SAMD10: variants seen among roughly 807,000 people sequenced by gnomAD.
SAMD10 encodes sterile alpha motif domain-containing protein 10.
Under a neutral mutation model 22.5 loss-of-function variants are expected in SAMD10, and 16 were observed. The observed-to-expected ratio is 0.71, with a 90% CI of 0.48 to 1.08. The LOEUF (loss-of-function observed/expected upper bound fraction) is 1.08, where lower values mean the gene tolerates loss of function less well. Among genes scored for constraint, SAMD10 ranks in the 50% least tolerant of loss-of-function variants. SAMD10 has a pLI of 0.00. For synonymous variants in SAMD10, 118 were observed against 122.2 expected (o/e 0.97, Z 0.23); for missense variants, 227 against 281.3 (o/e 0.81, Z 1.38).
chr20:63,977,132 T>G lies in SAMD10; in HGVS notation c.284A>C (p.Tyr95Ser). 6.2e-7 allele frequency: 1 copy of G among 1,612,912 alleles called. No individual in the cohort carries two copies. Among genetic ancestry groups the G allele is most frequent in the Non-Finnish European group, 8.5e-7 (1 of 1,179,506 alleles). ...ATGGTACAGGCCATAGTGGTCAGAG[T>G]ACAGCCGGCCCTGCAGGGGAGGGGC... ...PGTDTPQGRL[Y>S]SDHYGLYHTS... Residue 95 changes from tyrosine (Y) to serine (S), a missense_variant, in exon 3 of 5, where the codon TAC becomes TCC. Transcript: ENST00000369886. The surrounding 1 kb of genome is among the most constrained non-coding windows in gnomAD (Gnocchi z 5.4).
Position 63,977,853 on chromosome 20 carries a change from C to T in SAMD10, c.92-447G>A, listed in dbSNP as rs1439232785. Among the ~76,000 whole-genome samples, 1 of 152,222 alleles carries T rather than the reference C, an allele frequency of 6.6e-6. No individual in the cohort carries two copies. Among genetic ancestry groups the T allele is most frequent in the African/African-American group, 2.4e-5 (1 of 41,458 alleles). Reference sequence around the variant, plus strand: ...AGGCAGATCCCGAGTCCGGGGAGGTCGTCTGTGCTGGGGAAACCGGGCTGA... The same window carrying T: ...AGGCAGATCCCGAGTCCGGGGAGGTTGTCTGTGCTGGGGAAACCGGGCTGA... On this transcript the variant is annotated intron_variant, in intron 1 of 4. Coordinates refer to ENST00000369886, the MANE Select transcript of SAMD10 (RefSeq NM_080621.5). The surrounding 1 kb of genome is among the most constrained non-coding windows in gnomAD (Gnocchi z 5.4).
Position 63,979,254 on chromosome 20 carries a change from A to C in SAMD10, c.91+123T>G, listed in dbSNP as rs2059046397. The C allele has an allele frequency of 1.6e-6, 1 of 635,410 alleles. No individual in the cohort carries two copies. The highest frequency in any genetic ancestry group is 2.4e-6 in the Non-Finnish European group (1 of 415,316). 39.4% of individuals were successfully genotyped at this position (635,410 alleles called of 1,614,324 possible). On this transcript the variant is annotated intron_variant, in intron 1 of 4. Coordinates refer to ENST00000369886, the MANE Select transcript of SAMD10 (RefSeq NM_080621.5). The surrounding 1 kb of genome is among the most constrained non-coding windows in gnomAD (Gnocchi z 7.7). ...CTACGGGACCCCGTTGAGCCGAGAC[A>C]TCCGCCGAATACCCCCAGCCACCGC...
chr20:63,977,020 G>A lies in SAMD10; in HGVS notation c.396C>T (p.Pro132=), dbSNP rs1466971123. The change falls in exon 3 of 5, where the codon CCC becomes CCT. Residue 132 remains proline (P), a synonymous_variant. Transcript: ENST00000369886. This position sits in a 1 kb window ranked among gnomAD's most constrained non-coding sequence, Gnocchi z 5.4. ...DVCKWLKKHC[P]HNYLVYVEAF... ...CCTCCACGTAGACGAGGTAGTTGTG[G>A]GGACAGTGCTTCTTGAGCCACTTGC... 3 of 1,614,030 alleles carry A rather than the reference G, an allele frequency of 1.9e-6. No individual in the cohort carries two copies. Among genetic ancestry groups the A allele is most frequent in the Admixed American group, 3.3e-5 (2 of 60,000 alleles).
At chr20:63,976,874 C>T (rs2059026883) in intron 3 of SAMD10, 97 bp downstream of exon 3, 13 of 1,259,240 alleles carry the variant, frequency 1.0e-5, no homozygotes, top group African/African-American at 5.9e-5. Flanking sequence ...ACTAGACAGA[C>T]GAAAACAACA....
upstream of SAMD10, chr20:63,980,125 G>A (rs8126213): frequency 0.1 from 15,408 of 152,752 alleles, 929 homozygotes; most frequent in Middle Eastern, 0.17. Flanking sequence ...GAACTCCAAG[G>A]AGGCTGTAGC....
In SAMD10 at chr20:63,975,390, C is replaced by G; in HGVS notation, c.*120G>C. On this transcript the variant is annotated 3_prime_UTR_variant, in exon 5 of 5. Coordinates refer to ENST00000369886, the MANE Select transcript of SAMD10 (RefSeq NM_080621.5). Reference sequence around the variant, plus strand: ...TCCTGGTCCTGTCTGTCCGTTGGGCCAGCCTGGCCGCCCCGGCATCCCGCA... The same window carrying G: ...TCCTGGTCCTGTCTGTCCGTTGGGCGAGCCTGGCCGCCCCGGCATCCCGCA... 7.7e-7 allele frequency: 1 copy of G among 1,297,952 alleles called. No individual in the cohort carries two copies. Among genetic ancestry groups the G allele is most frequent in the Non-Finnish European group, 1.1e-6 (1 of 916,766 alleles). The allele number at this position is 1,297,952 out of a possible 1,614,324, so 80.4% of individuals were successfully genotyped here.
At chr20:63,978,127 G>C (rs909345905) in intron 1 of SAMD10, 3 of 408,792 alleles carry the variant, frequency 7.3e-6, no homozygotes, top group African/African-American at 4.1e-5. Flanking sequence ...GCACAGGTAT[G>C]TGGGGTGCAG....
In SAMD10 at chr20:63,975,336, T is replaced by A; in HGVS notation, c.*174A>T. ...CCCAGCCCCAGGGCACGACCTGGAATGTCCAACCAGAGGCGCCTGGAGGTG... is the reference window on the plus strand; with the variant it reads ...CCCAGCCCCAGGGCACGACCTGGAAAGTCCAACCAGAGGCGCCTGGAGGTG... On this transcript the variant is annotated 3_prime_UTR_variant, in exon 5 of 5. Coordinates refer to ENST00000369886, the MANE Select transcript of SAMD10 (RefSeq NM_080621.5). 2.7e-5 allele frequency: 18 copies of A among 661,904 alleles called. No individual in the cohort carries two copies. The highest frequency in any genetic ancestry group is 1.0e-4 in the East Asian group (3 of 29,472). The allele number at this position is 661,904 out of a possible 1,614,324, so 41.0% of individuals were successfully genotyped here. A position where few individuals can be genotyped will look rare whatever the true frequency, so the allele number is the denominator to read the frequency against.
Position 63,979,296 on chromosome 20 carries a change from G to A in SAMD10, c.91+81C>T, listed in dbSNP as rs2059047080. ...AGCCACCGCCGCTCGAAGCCCGCCG[G>A]GTCCCGCCCCGCCCCCGTGCCTCTG... On this transcript the variant is annotated intron_variant, in intron 1 of 4. Transcript: ENST00000369886. The surrounding 1 kb of genome is among the most constrained non-coding windows in gnomAD (Gnocchi z 7.7). The A allele has an allele frequency of 3.8e-6, 4 of 1,066,312 alleles. No homozygotes were observed. The highest frequency in any genetic ancestry group is 1.7e-5 in the African/African-American group (1 of 58,574). The allele number at this position is 1,066,312 out of a possible 1,614,324, so 66.1% of individuals were successfully genotyped here.
chr20:63,975,437 G>T lies in SAMD10; in HGVS notation c.*73C>A. 6.3e-7 allele frequency: 1 copy of T among 1,591,848 alleles called. No individual in the cohort carries two copies. Among genetic ancestry groups the T allele is most frequent in the African/African-American group, 1.3e-5 (1 of 74,226 alleles). On this transcript the variant is annotated 3_prime_UTR_variant, in exon 5 of 5. Coordinates refer to ENST00000369886, the MANE Select transcript of SAMD10 (RefSeq NM_080621.5). ...CGCAGGGTCCAAGAGGCGCTGCGGG[G>T]CCAGCTTGGCCTCCTCCCTAGCCGT...
At position 63,979,499 on chromosome 20, in the gene SAMD10, C is replaced by T. The variant is rs775708261; in HGVS notation, c.-32G>A. On this transcript the variant is annotated 5_prime_UTR_variant, in exon 1 of 5. Coordinates refer to ENST00000369886, the MANE Select transcript of SAMD10 (RefSeq NM_080621.5). This position sits in a 1 kb window ranked among gnomAD's most constrained non-coding sequence, Gnocchi z 7.7. The stretch of plus-strand genomic sequence containing the variant: ...CGCGGGTGCCAGGCCCGCGCACACG[C>T]CCCTCGCCGAGTGCAGGGCGGCCGG... 3.1e-5 allele frequency: 39 copies of T among 1,248,408 alleles called. No homozygotes were observed. In the African/African-American group the frequency reaches 6.1e-4, roughly 19 times the overall value. 77.3% of individuals were successfully genotyped at this position (1,248,408 alleles called of 1,614,324 possible).
At chr20:63,978,310 T>C (rs1462182719) in intron 1 of SAMD10, 2 of 1,301,696 alleles carry the variant, frequency 1.5e-6, no homozygotes, top group Non-Finnish European at 2.0e-6. Flanking sequence ...ACATTCATTG[T>C]CAATGAATGA....
intron 3 of SAMD10, among the ~76,000 whole-genome samples, 187 bp downstream of exon 3, chr20:63,976,784 A>G (rs1395692993): frequency 1.3e-5 from 2 of 151,416 alleles, no homozygotes; most frequent in African/African-American, 4.8e-5. Flanking sequence ...AAAAAAAAAA[A>G]AAAAAAAGAA....
chr20:63,977,064 A>G lies in SAMD10; in HGVS notation c.352T>C (p.Trp118Arg). ...LGGLTRPVVL[W>R]SQQDVCKWLK... ...CACTTGCAGACGTCCTGCTGACTCCACAGGACCACGGGCCGGGTCAGGCCA... is the reference window on the plus strand; with the variant it reads ...CACTTGCAGACGTCCTGCTGACTCCGCAGGACCACGGGCCGGGTCAGGCCA... Residue 118 changes from tryptophan (W) to arginine (R), a missense_variant, in exon 3 of 5, where the codon TGG becomes CGG. Trp to Arg is a moderately radical substitution (Grantham distance 101). Transcript: ENST00000369886. The surrounding 1 kb of genome is among the most constrained non-coding windows in gnomAD (Gnocchi z 5.4). The G allele has an allele frequency of 6.2e-7, 1 of 1,614,116 alleles. No homozygotes were observed. Among genetic ancestry groups the G allele is most frequent in the Non-Finnish European group, 8.5e-7 (1 of 1,180,002 alleles).
upstream of SAMD10, chr20:63,979,797 G>T: frequency 1.6e-6 from 1 of 636,806 alleles, no homozygotes; most frequent in Non-Finnish European, 2.0e-6. This position sits in a 1 kb window ranked among gnomAD's most constrained non-coding sequence, Gnocchi z 7.7. Context: ...TCTGAGGTCG[G>T]GCCCCTCTGT....
chr20:63,975,597 C>T, intron 4 of SAMD10, 65 bp from the exon 5 acceptor site: 1 of 1,584,314 alleles, frequency 6.3e-7, no homozygotes, highest in South Asian at 1.1e-5. Context: ...AGGGCGCTTA[C>T]TGGGGCCTGC....
Position 63,979,244 on chromosome 20 carries a change from G to T in SAMD10, c.91+133C>A. On this transcript the variant is annotated intron_variant, in intron 1 of 4. Coordinates refer to ENST00000369886, the MANE Select transcript of SAMD10 (RefSeq NM_080621.5). The surrounding 1 kb of genome is among the most constrained non-coding windows in gnomAD (Gnocchi z 7.7). ...AGGACAAAGGCTACGGGACCCCGTT[G>T]AGCCGAGACATCCGCCGAATACCCC... 1 of 609,066 alleles carries T rather than the reference G, an allele frequency of 1.6e-6. No individual in the cohort carries two copies. Among genetic ancestry groups the T allele is most frequent in the Non-Finnish European group, 2.6e-6 (1 of 388,858 alleles). The allele number at this position is 609,066 out of a possible 1,614,324, so 37.7% of individuals were successfully genotyped here.
chr20:63,975,447 C>T lies in SAMD10; in HGVS notation c.*63G>A. The stretch of plus-strand genomic sequence containing the variant: ...AAGAGGCGCTGCGGGGCCAGCTTGG[C>T]CTCCTCCCTAGCCGTGGACTCCCAT... On this transcript the variant is annotated 3_prime_UTR_variant, in exon 5 of 5. Transcript: ENST00000369886. 1.9e-6 allele frequency: 3 copies of T among 1,605,072 alleles called. No homozygotes were observed. Among genetic ancestry groups the T allele is most frequent in the Non-Finnish European group, 1.7e-6 (2 of 1,173,852 alleles).
chr20:63,977,435 G>T lies in SAMD10; in HGVS notation c.92-29C>A. The T allele has an allele frequency of 6.2e-7, 1 of 1,607,348 alleles. No homozygotes were observed. On this transcript the variant is annotated intron_variant, in intron 1 of 4. Coordinates refer to ENST00000369886, the MANE Select transcript of SAMD10 (RefSeq NM_080621.5). The surrounding 1 kb of genome is among the most constrained non-coding windows in gnomAD (Gnocchi z 5.4). ...TGTGTGGGGGTGCCTGGTCAGGGCA[G>T]TCAAGGGCAGAACCAGAGGCTTCCT...
Sources: allele counts gnomAD v4.1 joint callset (sites outside exome capture counted in the v4.1 genomes callset), GRCh38; gene constraint gnomAD v4.1.1; non-coding constraint Gnocchi (gnomAD v3.1); transcripts MANE v1.5; gene names NCBI Gene and HGNC (gene_info 2026-07-23, HGNC 2026-07-21).